FNDC3B: variants seen among roughly 807,000 people sequenced by gnomAD.
The protein encoded by FNDC3B is fibronectin type III domain containing 3B, also known as fibronectin type III domain-containing protein 3B.
FNDC3B carries 12 observed loss-of-function variants against 151.5 expected under a neutral mutation model. The ratio of observed to expected loss-of-function variants is 0.08; its 90% CI spans 0.05 to 0.13. The LOEUF (loss-of-function observed/expected upper bound fraction) is 0.13, where lower values mean the gene tolerates loss of function less well. Ranked by LOEUF, FNDC3B falls within the 10% of genes least tolerant of loss-of-function variation. The pLI, the probability that FNDC3B is intolerant of heterozygous loss-of-function variation, is 1.00. For synonymous variants in FNDC3B, 528 were observed against 549.0 expected (o/e 0.96, Z 0.54); for missense variants, 1,214 against 1,505.3 (o/e 0.81, Z 3.20).
At chr3:172,390,977 G>T (rs1259925770) in intron 25 of FNDC3B, among the ~76,000 whole-genome samples, 11 of 152,178 alleles carry the variant, frequency 7.2e-5, no homozygotes, top group Admixed American at 7.2e-4. Flanking sequence ...CAGAGGCCGT[G>T]AAACCTGGAC....
At chr3:172,163,226 G>A (rs4593057) in intron 3 of FNDC3B, among the ~76,000 whole-genome samples, 55,194 of 151,552 alleles carry the variant, frequency 0.36, 11,126 homozygotes, top group Middle Eastern at 0.48. Flanking sequence ...AGTTATGGTC[G>A]TGCCACTGCA....
rs371734011 is a variant in FNDC3B, at chr3:172,071,108, C to T, written c.-29+31337C>T. 3.3e-5 allele frequency among the ~76,000 whole-genome samples: 5 copies of T among 152,156 alleles called. 1 individual carries two copies. The highest frequency in any genetic ancestry group is 1.2e-4 in the African/African-American group (5 of 41,508). On this transcript the variant is annotated intron_variant, in intron 1 of 25. Coordinates refer to ENST00000415807, the MANE Select transcript of FNDC3B (RefSeq NM_022763.4). ...TGTTTTGATAGTGCTAAAAATTAGT[C>T]TATTTTTCAGACTTAATTATTCAAT...
At chr3:172,242,896 T>C (rs1424017655) in intron 4 of FNDC3B, among the ~76,000 whole-genome samples, 1 of 152,226 alleles carries the variant, frequency 6.6e-6, no homozygotes, top group Non-Finnish European at 1.5e-5. Context: ...GCTTCCCTTA[T>C]AAAACTTAAT....
intron 4 of FNDC3B, among the ~76,000 whole-genome samples, chr3:172,238,775 C>T (rs1727301862): frequency 6.6e-6 from 1 of 152,104 alleles, no homozygotes; most frequent in South Asian, 2.1e-4. Context: ...ATTTGTACTC[C>T]TGATTGGTGA....
chr3:172,091,909 T>TGTGTGTGTGTGTGTGTGTG (rs71178259), intron 1 of FNDC3B, among the ~76,000 whole-genome samples: 5 of 148,400 alleles, frequency 3.4e-5, no homozygotes, highest in African/African-American at 5.0e-5. Context: ...TGTGTGTGTG[T>TGTGTGTGTGTGTGTGTGTG]TAGGGAGGTG....
intron 5 of FNDC3B, among the ~76,000 whole-genome samples, chr3:172,248,780 T>C (rs1029440277): frequency 2.0e-5 from 3 of 149,830 alleles, no homozygotes; most frequent in Non-Finnish European, 4.4e-5. Flanking sequence ...TTATAACTTA[T>C]TCACAGAAAA....
chr3:172,120,561 C>T (rs1483800531), intron 2 of FNDC3B, among the ~76,000 whole-genome samples: 1 of 149,758 alleles, frequency 6.7e-6, no homozygotes, highest in African/African-American at 2.5e-5. Context: ...CTTTGTCATA[C>T]AGGCATGGGG....
chr3:172,121,736 T>G (rs909540619), intron 2 of FNDC3B, among the ~76,000 whole-genome samples: 2 of 152,222 alleles, frequency 1.3e-5, no homozygotes, highest in Non-Finnish European at 2.9e-5. Context: ...TATGTATGTA[T>G]GTATGTAAGT....
At chr3:172,305,964 T>A (rs1204674621) in intron 9 of FNDC3B, among the ~76,000 whole-genome samples, 2 of 152,214 alleles carry the variant, frequency 1.3e-5, no homozygotes, top group African/African-American at 2.4e-5. Context: ...AGCATCCCAA[T>A]GATAAGCATT....
At chr3:172,069,390 A>G (rs1181395279) in intron 1 of FNDC3B, among the ~76,000 whole-genome samples, 1 of 152,262 alleles carries the variant, frequency 6.6e-6, no homozygotes, top group Non-Finnish European at 1.5e-5. Context: ...TTACGTGGCT[A>G]GAGCCACTAA....
rs184373533 is a variant in FNDC3B at position 172,102,174 on chromosome 3, T to C, written c.-28-10278T>C. Among the ~76,000 whole-genome samples the C allele has an allele frequency of 1.4e-3, 219 of 152,328 alleles. 3 individuals carry two copies. The highest frequency in any genetic ancestry group is 2.4e-4 in the Non-Finnish European group (16 of 68,032). ...CGCTAAGAGCATGGACTTTTCATTA[T>C]CACTTTCTGAGTCTCTTTGGGAAAA... On this transcript the variant is annotated intron_variant, in intron 1 of 25. Transcript: ENST00000415807.
At chr3:172,388,605 G>T (rs1360671747) in intron 25 of FNDC3B, among the ~76,000 whole-genome samples, 2 of 152,222 alleles carry the variant, frequency 1.3e-5, no homozygotes, top group Non-Finnish European at 2.9e-5. Flanking sequence ...GAGCTGCACA[G>T]TCCTGGGGGA....
At chr3:172,142,919 T>C (rs1321647750) in intron 3 of FNDC3B, among the ~76,000 whole-genome samples, 1 of 152,168 alleles carries the variant, frequency 6.6e-6, no homozygotes, top group Non-Finnish European at 1.5e-5. Context: ...TAGATGGCAG[T>C]TTCTCTCTGT....
chr3:172,061,454 G>C (rs1302134929), intron 1 of FNDC3B, among the ~76,000 whole-genome samples: 1 of 151,854 alleles, frequency 6.6e-6, no homozygotes, highest in Non-Finnish European at 1.5e-5. Flanking sequence ...GGATGGTCTC[G>C]ATCTCCTGAC....
At chr3:172,101,818 T>A (rs1004836167) in intron 1 of FNDC3B, among the ~76,000 whole-genome samples, 5 of 152,196 alleles carry the variant, frequency 3.3e-5, no homozygotes, top group African/African-American at 1.2e-4. Context: ...CCCCTCTAAT[T>A]TTAAACCATC....
chr3:172,174,253 A>G (rs1723434805), intron 3 of FNDC3B, among the ~76,000 whole-genome samples: 1 of 152,230 alleles, frequency 6.6e-6, no homozygotes, highest in African/African-American at 2.4e-5. Flanking sequence ...GGTCTAAATG[A>G]TTAAGTTTCC....
At chr3:172,326,558 C>T (rs1012715120) in intron 11 of FNDC3B, among the ~76,000 whole-genome samples, 11 of 152,146 alleles carry the variant, frequency 7.2e-5, no homozygotes, top group African/African-American at 1.9e-4. Context: ...GTTCTGTCGC[C>T]CAGGCTGGAG....
In FNDC3B at chr3:172,329,140, C is replaced by T. The variant is rs541162524; in HGVS notation, c.1379+64C>T. The T allele has an allele frequency of 6.5e-6, 10 of 1,549,324 alleles. No individual in the cohort carries two copies. The African/African-American group carries it at 8.2e-5, about 13-fold the overall frequency. On this transcript the variant is annotated intron_variant, in intron 12 of 25. Transcript: ENST00000415807. Reference sequence around the variant, plus strand: ...GATGGTGATCCTGAGCCTTCTTTTACATAGCTGGAAGGCATGAGGAAGCCT... The same window carrying T: ...GATGGTGATCCTGAGCCTTCTTTTATATAGCTGGAAGGCATGAGGAAGCCT...
intron 19 of FNDC3B, among the ~76,000 whole-genome samples, chr3:172,344,804 G>GGA (rs567131191): frequency 3.2e-4 from 48 of 152,322 alleles, no homozygotes; most frequent in African/African-American, 1.1e-3. Context: ...ATATGTCTAT[G>GGA]TTATATCCAT....
Sources: allele counts gnomAD v4.1 joint callset (sites outside exome capture counted in the v4.1 genomes callset), GRCh38; gene constraint gnomAD v4.1.1; transcripts MANE v1.5; gene names NCBI Gene and HGNC (gene_info 2026-07-23, HGNC 2026-07-21).